The following LOC128706666 variants were observed in gnomAD, a reference collection of about 807,000 sequenced individuals.
At chr20:10,415,987 GA>G in the LOC128706666 span, among the ~76,000 whole-genome samples, 2 of 149,142 alleles carry the variant, frequency 1.3e-5, 1 homozygote, top group Non-Finnish European at 3.0e-5. Context: ...AGAGAAAAGA[GA>G]AAAAAAAACC....
chr20:10,416,845 A>C, the LOC128706666 span, among the ~76,000 whole-genome samples: 1 of 152,210 alleles, frequency 6.6e-6, no homozygotes, highest in African/African-American at 2.4e-5. Context: ...ATGAAGTTTT[A>C]TTGGAAAGCA....
the LOC128706666 span, among the ~76,000 whole-genome samples, chr20:10,428,157 C>T: frequency 6.6e-6 from 1 of 152,208 alleles, no homozygotes; most frequent in Non-Finnish European, 1.5e-5. Flanking sequence ...AACTAGCTTA[C>T]CAGCAAGCTG....
chr20:10,418,627 A>C, the LOC128706666 span, among the ~76,000 whole-genome samples: 1 of 152,044 alleles, frequency 6.6e-6, no homozygotes, highest in Non-Finnish European at 1.5e-5. Context: ...CTCTTACTAC[A>C]TTCACCTAAC....
At chr20:10,425,270 T>C in the LOC128706666 span, among the ~76,000 whole-genome samples, 2 of 152,334 alleles carry the variant, frequency 1.3e-5, no homozygotes, top group South Asian at 4.1e-4. Context: ...TTAAGAGCTA[T>C]ACAGCATTTG....
At chr20:10,424,885 C>G in the LOC128706666 span, among the ~76,000 whole-genome samples, 1 of 151,904 alleles carries the variant, frequency 6.6e-6, no homozygotes, top group African/African-American at 2.4e-5. Flanking sequence ...AACCCTGTCT[C>G]TACTAAAAAT....
At chr20:10,426,605 C>T in the LOC128706666 span, among the ~76,000 whole-genome samples, 6 of 152,280 alleles carry the variant, frequency 3.9e-5, no homozygotes, top group Non-Finnish European at 8.8e-5. Context: ...CACCATGTTG[C>T]CCAGGCTGGT....
chr20:10,420,364 C>T, the LOC128706666 span, among the ~76,000 whole-genome samples: 16 of 152,288 alleles, frequency 1.1e-4, no homozygotes, highest in Non-Finnish European at 2.2e-4. Context: ...GCACAACGAA[C>T]TTTTCTAGAA....
chr20:10,414,022 C>T, the LOC128706666 span: 6 of 388,076 alleles, frequency 1.5e-5, no homozygotes, highest in African/African-American at 1.2e-4. Flanking sequence ...GCTCTGCTGC[C>T]TTTTTAGAAA....
the LOC128706666 span, among the ~76,000 whole-genome samples, chr20:10,430,490 G>A: frequency 6.6e-6 from 1 of 152,170 alleles, no homozygotes; most frequent in Non-Finnish European, 1.5e-5. Context: ...AAACATTACT[G>A]GAATTAACCT....
chr20:10,414,035 G>C, the LOC128706666 span: 1 of 384,732 alleles, frequency 2.6e-6, no homozygotes, highest in Non-Finnish European at 4.6e-6. Flanking sequence ...TTTAGAAAAA[G>C]GAACTACTAA....
the LOC128706666 span, among the ~76,000 whole-genome samples, chr20:10,421,787 T>C: frequency 6.6e-5 from 10 of 151,422 alleles, no homozygotes; most frequent in African/African-American, 2.2e-4. Flanking sequence ...AATATATATA[T>C]ATATATTTTA....
the LOC128706666 span, among the ~76,000 whole-genome samples, chr20:10,427,029 GACACACACAC>G: frequency 9.3e-3 from 1,211 of 130,762 alleles, 12 homozygotes; most frequent in Middle Eastern, 0.013. Context: ...AGAAAACACT[GACACACACAC>G]ACACACACAC....
the LOC128706666 span, among the ~76,000 whole-genome samples, chr20:10,425,053 C>CAAA: frequency 2.3e-3 from 280 of 122,336 alleles, 2 homozygotes; most frequent in Middle Eastern, 0.017. Flanking sequence ...AACTCCGTCT[C>CAAA]AAAAAAAAAA....
chr20:10,427,980 G>A, the LOC128706666 span, among the ~76,000 whole-genome samples: 10 of 152,192 alleles, frequency 6.6e-5, no homozygotes, highest in Non-Finnish European at 1.3e-4. Flanking sequence ...ACAGGTATGC[G>A]TAAGTATCTT....
the LOC128706666 span, among the ~76,000 whole-genome samples, chr20:10,427,029 G>GTCACACACACAGAC: frequency 7.6e-6 from 1 of 130,724 alleles, no homozygotes; most frequent in Non-Finnish European, 1.6e-5. Flanking sequence ...AGAAAACACT[G>GTCACACACACAGAC]ACACACACAC....
chr20:10,427,416 A>G, the LOC128706666 span, among the ~76,000 whole-genome samples: 29 of 152,226 alleles, frequency 1.9e-4, no homozygotes, highest in Non-Finnish European at 3.2e-4. Context: ...GAAGAACATT[A>G]GATAGAATAT....
chr20:10,430,724 A>G, the LOC128706666 span, among the ~76,000 whole-genome samples: 3 of 152,338 alleles, frequency 2.0e-5, no homozygotes, highest in South Asian at 2.1e-4. Flanking sequence ...TCAAGCTTCT[A>G]AAGTGAGAGC....
At chr20:10,424,883 C>G in the LOC128706666 span, among the ~76,000 whole-genome samples, 57 of 152,046 alleles carry the variant, frequency 3.7e-4, no homozygotes, top group Non-Finnish European at 7.5e-4. Flanking sequence ...GAAACCCTGT[C>G]TCTACTAAAA....
chr20:10,433,101 T>G, the LOC128706666 span, among the ~76,000 whole-genome samples: 1 of 152,226 alleles, frequency 6.6e-6, no homozygotes, highest in Admixed American at 6.5e-5. Context: ...CCTCCAGGGC[T>G]CAAGCGATTC....
Sources: allele counts gnomAD v4.1 joint callset (sites outside exome capture counted in the v4.1 genomes callset), GRCh38; gene constraint gnomAD v4.1.1; transcripts MANE v1.5.